The following NIPA1 variants were observed in gnomAD, a reference collection of about 807,000 sequenced individuals.
The protein encoded by NIPA1 is magnesium transporter NIPA1.
A neutral mutation model predicts 23.9 loss-of-function variants in NIPA1; 13 were observed. The ratio of observed to expected loss-of-function variants is 0.54; its 90% CI spans 0.35 to 0.87. The LOEUF (loss-of-function observed/expected upper bound fraction) is 0.87. Among genes scored for constraint, NIPA1 ranks in the 40% least tolerant of loss-of-function variants. The pLI is 0.01. For synonymous variants in NIPA1, 234 were observed against 202.9 expected, an observed-to-expected ratio of 1.15 and a Z score of -1.30; for missense variants, 362 against 429.7, an observed-to-expected ratio of 0.84 and a Z score of 1.39.
chr15:22,805,669 G>C (rs1435131607), intron 1 of NIPA1, among the ~76,000 whole-genome samples: 2 of 152,116 alleles, frequency 1.3e-5, no homozygotes, highest in Non-Finnish European at 2.9e-5. Context: ...CTGGGCAAGA[G>C]AGTGAGACTC....
intron 1 of NIPA1, among the ~76,000 whole-genome samples, chr15:22,790,368 C>T (rs773426012): frequency 2.4e-4 from 36 of 151,068 alleles, no homozygotes; most frequent in Non-Finnish European, 4.1e-4. Context: ...CTTGCTCTGT[C>T]ACCAGTCTCG....
At chr15:22,799,791 A>G (rs1414911972) in intron 1 of NIPA1, among the ~76,000 whole-genome samples, 2 of 137,326 alleles carry the variant, frequency 1.5e-5, no homozygotes, top group Non-Finnish European at 3.3e-5. Flanking sequence ...CAAAAAAAAA[A>G]AAAAATTAGG....
intron 3 of NIPA1, among the ~76,000 whole-genome samples, chr15:22,813,245 CA>C (rs1895353729): frequency 6.6e-6 from 1 of 152,036 alleles, no homozygotes; most frequent in African/African-American, 2.4e-5. Flanking sequence ...CTGAGGACTC[CA>C]GGGACCCAGT....
At chr15:22,793,092 A>G (rs1894866033) in intron 1 of NIPA1, among the ~76,000 whole-genome samples, 1 of 151,776 alleles carries the variant, frequency 6.6e-6, no homozygotes. Flanking sequence ...GCTCATGCCT[A>G]TAATCACAGC....
chr15:22,813,670 A>T, intron 3 of NIPA1: 1 of 456,030 alleles, frequency 2.2e-6, no homozygotes. Flanking sequence ...TGTGTCCATG[A>T]TGGGTGTATT....
At chr15:22,790,703 C>A (rs991704666) in intron 1 of NIPA1, among the ~76,000 whole-genome samples, 2 of 152,114 alleles carry the variant, frequency 1.3e-5, no homozygotes, top group African/African-American at 2.4e-5. Context: ...CGTGAGCCAC[C>A]ATGCTTGGCC....
At chr15:22,822,248 A>G (rs1895553668) in intron 4 of NIPA1, among the ~76,000 whole-genome samples, 3 of 152,222 alleles carry the variant, frequency 2.0e-5, no homozygotes, top group Admixed American at 6.5e-5. Context: ...TTTGTTTCAT[A>G]CATAAAATAG....
At chr15:22,811,417 G>A (rs1895312130) in intron 2 of NIPA1, among the ~76,000 whole-genome samples, 1 of 152,050 alleles carries the variant, frequency 6.6e-6, no homozygotes, top group Non-Finnish European at 1.5e-5. Context: ...AGACCAGCCT[G>A]GGAAACATGG....
At chr15:22,806,396 A>G (rs928435398) in intron 1 of NIPA1, among the ~76,000 whole-genome samples, 2 of 152,190 alleles carry the variant, frequency 1.3e-5, no homozygotes, top group Non-Finnish European at 2.9e-5. Flanking sequence ...ATAAACAGCT[A>G]TGCAACTCTC....
chr15:22,808,212 G>T (rs930327955), intron 1 of NIPA1, among the ~76,000 whole-genome samples: 1 of 152,176 alleles, frequency 6.6e-6, no homozygotes, highest in Non-Finnish European at 1.5e-5. Context: ...TGCATTTTGG[G>T]ATAGCCACTT....
intron 4 of NIPA1, among the ~76,000 whole-genome samples, chr15:22,821,009 G>A (rs557209987): frequency 2.1e-5 from 3 of 140,520 alleles, no homozygotes; most frequent in Admixed American, 8.1e-5. Flanking sequence ...ACGGAGTCTC[G>A]CTCTGTCACC....
intron 1 of NIPA1, among the ~76,000 whole-genome samples, chr15:22,803,931 G>A (rs147525165): frequency 0.069 from 10,359 of 150,506 alleles, 771 homozygotes; most frequent in African/African-American, 0.18. Flanking sequence ...TGCCCGCCTC[G>A]GCCTCCGAAA....
At chr15:22,795,434 C>T (rs547196709) in intron 1 of NIPA1, among the ~76,000 whole-genome samples, 3 of 152,152 alleles carry the variant, frequency 2.0e-5, no homozygotes, top group African/African-American at 7.2e-5. Context: ...CAGTGCCGGA[C>T]AGGACTGGGC....
chr15:22,812,075 A>T, intron 2 of NIPA1, 88 bp from the exon 3 acceptor site: 4 of 1,005,018 alleles, frequency 4.0e-6, no homozygotes, highest in Non-Finnish European at 6.2e-6. Context: ...TAGCCCTTTC[A>T]GGGCAGAGCC....
Position 22,825,965 on chromosome 15 carries a change from G to A in NIPA1, c.*1726G>A, listed in dbSNP as rs1895642115. On this transcript the variant is annotated 3_prime_UTR_variant, in exon 5 of 5. Coordinates refer to ENST00000337435, the MANE Select transcript of NIPA1 (RefSeq NM_144599.5). ...CACGGTATCATGTACTTCATGGCCA[G>A]TGTTTTATCTCAGCAGGGAACTACG... The A allele has an allele frequency of 6.6e-6, 1 of 152,464 alleles. No individual in the cohort carries two copies. The highest frequency in any genetic ancestry group is 2.4e-5 in the African/African-American group (1 of 41,424). The allele number at this position is 152,464 out of a possible 1,614,324, so 9.4% of individuals were successfully genotyped here.
intron 4 of NIPA1, 26 bp downstream of exon 4, chr15:22,820,499 A>G: frequency 6.2e-7 from 1 of 1,605,446 alleles, no homozygotes; most frequent in Non-Finnish European, 8.5e-7. Flanking sequence ...CAGCACTGCC[A>G]AGAAAGTTTG....
At chr15:22,790,541 C>T (rs1165233075) in intron 1 of NIPA1, among the ~76,000 whole-genome samples, 3 of 151,754 alleles carry the variant, frequency 2.0e-5, no homozygotes, top group Non-Finnish European at 4.4e-5. Context: ...CTCAGCCTCC[C>T]GAGTAGTTGG....
At position 22,824,680 on chromosome 15, in the gene NIPA1, G is replaced by A. The variant is rs1002278174; in HGVS notation, c.*441G>A. 5.5e-5 allele frequency: 11 copies of A among 198,312 alleles called. No individual in the cohort carries two copies. The East Asian group carries it at 1.2e-3, about 22-fold the overall frequency. The allele number at this position is 198,312 out of a possible 1,614,324, so 12.3% of individuals were successfully genotyped here. ...CTGTACAGTGAATGTGTCTGTAGTT[G>A]TGTTAGTTTGCATTAAGCATGTATA... On this transcript the variant is annotated 3_prime_UTR_variant, in exon 5 of 5. Transcript: ENST00000337435. The surrounding 1 kb of genome is among the most constrained non-coding windows in gnomAD (Gnocchi z 4.1).
At position 22,786,696 on chromosome 15, in the gene NIPA1, G is replaced by T. The variant is rs1346667835; in HGVS notation, c.40G>T (p.Ala14Ser). ...TGCGGCAGCGGCGGCGGCGGCGGCG[G>T]CGGCGGCCGGGGAGGGGGCGCGTAG... ...AAAAAAAAAAAAAGEGARSPS... is the reference protein window; with the variant it reads ...AAAAAAAAAASAAGEGARSPS... The change falls in exon 1 of 5, where the codon GCG (alanine) becomes TCG (serine). Residue 14 changes from alanine to serine, a missense_variant. Ala to Ser is a moderately conservative substitution (Grantham distance 99, BLOSUM62 1). This residue lies in a region of NIPA1 where 85 missense variants were observed against 57.7 expected (regional missense o/e 1.47). Coordinates refer to ENST00000337435, the MANE Select transcript of NIPA1 (RefSeq NM_144599.5). 8 of 1,126,292 alleles carry T rather than the reference G, an allele frequency of 7.1e-6. No homozygotes were observed. The highest frequency in any genetic ancestry group is 8.7e-6 in the Non-Finnish European group (8 of 920,682). The allele number at this position is 1,126,292 out of a possible 1,614,324, so 69.8% of individuals were successfully genotyped here.
Sources: gnomAD v4.1 joint callset for allele counts (sites outside exome capture counted in the v4.1 genomes callset) on GRCh38, gnomAD v4.1.1 for gene constraint, gnomAD v4.1.1 regional missense constraint, Gnocchi (gnomAD v3.1) non-coding constraint, MANE v1.5 for transcripts, NCBI Gene and HGNC (gene_info 2026-07-23, HGNC 2026-07-21) for gene names.